NIPAL2: variants seen among roughly 807,000 people sequenced by gnomAD.
NIPAL2 encodes NIPA-like protein 2.
A neutral mutation model predicts 48.9 loss-of-function variants in NIPAL2; 43 were observed. The observed-to-expected ratio is 0.88, with a 90% CI of 0.69 to 1.13. NIPAL2 has a LOEUF of 1.13. Among genes scored for constraint, NIPAL2 ranks in the 50% most tolerant of loss-of-function variants. The pLI is 0.00. For synonymous variants in NIPAL2, 167 were observed against 174.6 expected, an observed-to-expected ratio of 0.96 and a Z score of 0.34; for missense variants, 446 against 461.4, an observed-to-expected ratio of 0.97 and a Z score of 0.31.
intron 3 of NIPAL2, among the ~76,000 whole-genome samples, chr8:98,247,878 G>A (rs973182084): frequency 5.3e-5 from 8 of 152,174 alleles, no homozygotes; most frequent in African/African-American, 1.9e-4. Context: ...CTTTGTACTG[G>A]ATTTCTGGTA....
chr8:98,248,286 T>C (rs1467622734), intron 3 of NIPAL2, among the ~76,000 whole-genome samples: 1 of 152,240 alleles, frequency 6.6e-6, no homozygotes, highest in Non-Finnish European at 1.5e-5. Flanking sequence ...TTCTCCATTT[T>C]AGAGAATTTA....
At chr8:98,284,034 A>G (rs1259720552) in intron 1 of NIPAL2, among the ~76,000 whole-genome samples, 3 of 152,126 alleles carry the variant, frequency 2.0e-5, no homozygotes, top group Non-Finnish European at 4.4e-5. Context: ...TAAAGGGCCA[A>G]TCCTCACAGC....
chr8:98,236,261 T>C (rs749217502), intron 3 of NIPAL2, 47 bp from the exon 4 acceptor site: 3 of 1,291,522 alleles, frequency 2.3e-6, no homozygotes, highest in Non-Finnish European at 3.3e-6. Flanking sequence ...TAAAAGTGTC[T>C]ATTACGCAAT....
At chr8:98,209,487 A>T (rs1486708985) in intron 6 of NIPAL2, among the ~76,000 whole-genome samples, 2 of 147,706 alleles carry the variant, frequency 1.4e-5, no homozygotes, top group East Asian at 4.0e-4. Context: ...GCATGATGCC[A>T]CGCATCTGTA....
intron 1 of NIPAL2, among the ~76,000 whole-genome samples, chr8:98,259,069 CCTTT>C (rs369707800): frequency 0.41 from 36,250 of 88,846 alleles, 7,551 homozygotes; most frequent in Non-Finnish European, 0.46. Context: ...TTTAAATATT[CCTTT>C]TTTTTTTTTT....
At chr8:98,196,980 C>T (rs999416143) in intron 8 of NIPAL2, among the ~76,000 whole-genome samples, 1 of 152,192 alleles carries the variant, frequency 6.6e-6, no homozygotes, top group African/African-American at 2.4e-5. Context: ...TTATTACATA[C>T]TTCCTTATAA....
chr8:98,254,293 C>G (rs1422414812), intron 1 of NIPAL2, among the ~76,000 whole-genome samples: 1 of 152,024 alleles, frequency 6.6e-6, no homozygotes, highest in Non-Finnish European at 1.5e-5. Flanking sequence ...ATCACTTGGT[C>G]CTTTATGAAT....
At chr8:98,286,412 T>C (rs1816162099) in intron 1 of NIPAL2, among the ~76,000 whole-genome samples, 1 of 152,100 alleles carries the variant, frequency 6.6e-6, no homozygotes, top group Non-Finnish European at 1.5e-5. Flanking sequence ...TTGGGGCAAA[T>C]GCAATCTTCA....
chr8:98,238,993 T>C (rs1812854987), intron 3 of NIPAL2, among the ~76,000 whole-genome samples: 1 of 152,134 alleles, frequency 6.6e-6, no homozygotes, highest in Non-Finnish European at 1.5e-5. Context: ...CCTGTGTAAT[T>C]AAGTAAGGGA....
At chr8:98,284,428 A>T (rs1463382862) in intron 1 of NIPAL2, among the ~76,000 whole-genome samples, 156 of 152,048 alleles carry the variant, frequency 1.0e-3, no homozygotes, top group African/African-American at 3.6e-3. Flanking sequence ...TCACACACAC[A>T]CACACACACA....
chr8:98,221,877 G>T (rs999744567), intron 5 of NIPAL2, among the ~76,000 whole-genome samples: 1 of 152,164 alleles, frequency 6.6e-6, no homozygotes, highest in Non-Finnish European at 1.5e-5. Flanking sequence ...ACAGTGTGGC[G>T]ATTCCTCAAG....
intron 5 of NIPAL2, among the ~76,000 whole-genome samples, chr8:98,214,929 T>C (rs10955157): frequency 0.13 from 20,411 of 152,214 alleles, 1,483 homozygotes; most frequent in Middle Eastern, 0.17. Context: ...CATCAAAACA[T>C]TGGGTGTCCT....
intron 1 of NIPAL2, among the ~76,000 whole-genome samples, chr8:98,276,150 C>T (rs925449273): frequency 6.6e-5 from 10 of 152,110 alleles, no homozygotes; most frequent in African/African-American, 2.4e-4. Flanking sequence ...TTTTCATGCT[C>T]TATTGGTTTT....
intron 5 of NIPAL2, among the ~76,000 whole-genome samples, chr8:98,214,992 C>G (rs1394877015): frequency 1.3e-5 from 2 of 152,198 alleles, no homozygotes; most frequent in Admixed American, 1.3e-4. Context: ...TGGGCCCAGT[C>G]TCCCCTCAAC....
At position 98,195,951 on chromosome 8, in the gene NIPAL2, T is replaced by C; in HGVS notation, c.935A>G (p.Tyr312Cys). Residue 312 changes from tyrosine (Y) to cysteine (C), a missense_variant, in exon 9 of 11, where the codon TAT becomes TGT. Tyr to Cys is a radical substitution (Grantham distance 194). Coordinates refer to ENST00000430223, the MANE Select transcript of NIPAL2 (RefSeq NM_001321635.2). The stretch of plus-strand genomic sequence containing the variant: ...TGAGACATTTACTCACCCAAAAAGA[T>C]ATATAAATACAGTGAGAAAAGGAGC... ...LGAPFLTVFI[Y>C]LFGCFLSFLG... The C allele has an allele frequency of 6.3e-7, 1 of 1,580,132 alleles. No homozygotes were observed. The highest frequency in any genetic ancestry group is 1.1e-5 in the South Asian group (1 of 88,520).
At chr8:98,231,294 C>T (rs1423217373) in intron 4 of NIPAL2, among the ~76,000 whole-genome samples, 1 of 152,152 alleles carries the variant, frequency 6.6e-6, no homozygotes, top group African/African-American at 2.4e-5. Flanking sequence ...GGCAGCTCTG[C>T]AACCAAAACA....
chr8:98,274,164 T>C (rs1254549290), intron 1 of NIPAL2, among the ~76,000 whole-genome samples: 1 of 152,056 alleles, frequency 6.6e-6, no homozygotes, highest in Non-Finnish European at 1.5e-5. Flanking sequence ...CCAGGTAGCA[T>C]GTGATCAAGT....
At chr8:98,292,169 C>T (rs1330952721) in intron 1 of NIPAL2, among the ~76,000 whole-genome samples, 1 of 152,162 alleles carries the variant, frequency 6.6e-6, no homozygotes, top group African/African-American at 2.4e-5. Context: ...GGGAGTGACA[C>T]ATTTATATCT....
intron 1 of NIPAL2, among the ~76,000 whole-genome samples, chr8:98,257,176 A>T (rs1813945200): frequency 6.6e-6 from 1 of 152,152 alleles, no homozygotes; most frequent in African/African-American, 2.4e-5. Flanking sequence ...GAATTAGGGC[A>T]CAGCTGACCA....
Sources: allele counts gnomAD v4.1 joint callset (sites outside exome capture counted in the v4.1 genomes callset), GRCh38; gene constraint gnomAD v4.1.1; transcripts MANE v1.5; gene names NCBI Gene and HGNC (gene_info 2026-07-23, HGNC 2026-07-21).